The following WNT7B variants were observed in gnomAD, a reference collection of about 807,000 sequenced individuals.
WNT7B encodes the protein Wnt family member 7B.
Under a neutral mutation model 38.2 loss-of-function variants are expected in WNT7B, and 19 were observed. That is an observed-to-expected ratio of 0.50 (90% CI 0.35 to 0.73). The LOEUF (loss-of-function observed/expected upper bound fraction) is 0.73, where lower values mean the gene tolerates loss of function less well. Among genes scored for constraint, WNT7B ranks in the 30% least tolerant of loss-of-function variants. The pLI, the probability that WNT7B is intolerant of heterozygous loss-of-function variation, is 0.01. For synonymous variants in WNT7B, 243 were observed against 209.3 expected (o/e 1.16, Z -1.39); for missense variants, 423 against 507.9 (o/e 0.83, Z 1.61).
chr22:45,941,970 C>G (rs1434906753), intron 2 of WNT7B, among the ~76,000 whole-genome samples: 1 of 152,106 alleles, frequency 6.6e-6, no homozygotes, highest in Non-Finnish European at 1.5e-5. Context: ...GGTGGGGTCC[C>G]TGAGGCCTGG....
chr22:45,975,611 A>G lies in WNT7B; in HGVS notation c.71+1073T>C, dbSNP rs1427017174. The G allele has an allele frequency of 2.8e-6, 2 of 714,374 alleles. No homozygotes were observed. Among genetic ancestry groups the G allele is most frequent in the East Asian group, 5.4e-5 (2 of 37,162 alleles). 44.3% of individuals were successfully genotyped at this position (714,374 alleles called of 1,614,324 possible). On this transcript the variant is annotated intron_variant, in intron 1 of 3. Coordinates refer to ENST00000339464, the MANE Select transcript of WNT7B (RefSeq NM_058238.3). The surrounding 1 kb of genome is among the most constrained non-coding windows in gnomAD (Gnocchi z 6.6). The stretch of plus-strand genomic sequence containing the variant: ...GAGACGATTCCCAGCGCCTGCTTCC[A>G]CCTCTCCGCCTGGGAAGCCGCGTCT...
At chr22:45,950,759 C>G (rs1931913607) in intron 1 of WNT7B, among the ~76,000 whole-genome samples, 1 of 152,248 alleles carries the variant, frequency 6.6e-6, no homozygotes, top group Admixed American at 6.5e-5. Context: ...CCATCCCCCA[C>G]CACCCAACCA....
chr22:45,956,846 G>A (rs62226033), intron 1 of WNT7B, among the ~76,000 whole-genome samples: 19,133 of 152,078 alleles, frequency 0.13, 1,539 homozygotes, highest in East Asian at 0.25. Flanking sequence ...GGTGGCTCAC[G>A]CCTGTAATCC....
chr22:45,935,835 A>T, intron 2 of WNT7B: 1 of 985,380 alleles, frequency 1.0e-6, no homozygotes, highest in Non-Finnish European at 1.2e-6. Context: ...GACGAAAGCC[A>T]TCTGAGCTCA....
intron 2 of WNT7B, among the ~76,000 whole-genome samples, chr22:45,946,248 C>T (rs564913372): frequency 2.0e-5 from 3 of 152,332 alleles, no homozygotes; most frequent in Admixed American, 6.5e-5. Flanking sequence ...AAAGTGCTCT[C>T]GGCTTTCTGG....
chr22:45,944,659 G>A (rs1030727738), intron 2 of WNT7B, among the ~76,000 whole-genome samples: 3 of 152,222 alleles, frequency 2.0e-5, no homozygotes, highest in Non-Finnish European at 2.9e-5. Flanking sequence ...TGGCCAGCAC[G>A]AGACTGGGCC....
At chr22:45,929,457 C>T (rs143889501) in intron 3 of WNT7B, among the ~76,000 whole-genome samples, 1,981 of 147,236 alleles carry the variant, frequency 0.013, 16 homozygotes, top group Middle Eastern at 0.029. Context: ...TCCTTTGATT[C>T]GTCCATCTAC....
intron 3 of WNT7B, chr22:45,925,088 G>T (rs1931041511): frequency 1.0e-6 from 1 of 982,194 alleles, no homozygotes; most frequent in Non-Finnish European, 1.2e-6. Context: ...TGGGTGCTGG[G>T]TGGGCCCAAA....
chr22:45,965,908 C>A lies in WNT7B; in HGVS notation c.71+10776G>T, dbSNP rs1469918882. On this transcript the variant is annotated intron_variant, in intron 1 of 3. Coordinates refer to ENST00000339464, the MANE Select transcript of WNT7B (RefSeq NM_058238.3). This position sits in a 1 kb window ranked among gnomAD's most constrained non-coding sequence, Gnocchi z 6.5. ...GACACGCAACAGAGCCCGCCCAAGG[C>A]TGGAAACCCGCCTTAGTAAAACACC... 6.6e-6 allele frequency among the ~76,000 whole-genome samples: 1 copy of A among 152,218 alleles called. No individual in the cohort carries two copies. The highest frequency in any genetic ancestry group is 1.5e-5 in the Non-Finnish European group (1 of 68,038).
In WNT7B at chr22:45,949,951, C is replaced by G; in HGVS notation, c.267G>C (p.Glu89Asp). 6.2e-7 allele frequency: 1 copy of G among 1,611,182 alleles called. No homozygotes were observed. Among genetic ancestry groups the G allele is most frequent in the Non-Finnish European group, 8.5e-7 (1 of 1,177,942 alleles). Residue 89 changes from glutamate to aspartate, a missense_variant, in exon 2 of 4, where the codon GAG (glutamate) becomes GAC (aspartate). Coordinates refer to ENST00000339464, the MANE Select transcript of WNT7B (RefSeq NM_058238.3). ...FGRWNCSALG[E>D]KTVFGQELRV... ...GGAGCTCTTGCCCGAAGACGGTCTTCTCGCCGAGGGCAGAGCAGTTCCAGC... is the reference window on the plus strand; with the variant it reads ...GGAGCTCTTGCCCGAAGACGGTCTTGTCGCCGAGGGCAGAGCAGTTCCAGC...
chr22:45,949,960 G>T lies in WNT7B; in HGVS notation c.258C>A (p.Ala86=). The T allele has an allele frequency of 6.2e-7, 1 of 1,613,458 alleles. No individual in the cohort carries two copies. The highest frequency in any genetic ancestry group is 8.5e-7 in the Non-Finnish European group (1 of 1,179,754). Reference sequence around the variant, plus strand: ...GCCCGAAGACGGTCTTCTCGCCGAGGGCAGAGCAGTTCCAGCGTCCGAAGC... The same window carrying T: ...GCCCGAAGACGGTCTTCTCGCCGAGTGCAGAGCAGTTCCAGCGTCCGAAGC... ...QFRFGRWNCS[A]LGEKTVFGQE... is the part of the protein sequence containing the mutation. The change falls in exon 2 of 4, where the codon GCC becomes GCA. Residue 86 remains alanine, a synonymous_variant. Coordinates refer to ENST00000339464, the MANE Select transcript of WNT7B (RefSeq NM_058238.3).
intron 3 of WNT7B, among the ~76,000 whole-genome samples, chr22:45,924,122 G>A (rs987832044): frequency 2.0e-5 from 3 of 152,212 alleles, no homozygotes; most frequent in Non-Finnish European, 4.4e-5. Context: ...GATTGAAGAT[G>A]GGGAATTATT....
rs1172731798 is a variant in WNT7B at position 45,976,284 on chromosome 22, C to T, written c.71+400G>A. On this transcript the variant is annotated intron_variant, in intron 1 of 3. Coordinates refer to ENST00000339464, the MANE Select transcript of WNT7B (RefSeq NM_058238.3). This position sits in a 1 kb window ranked among gnomAD's most constrained non-coding sequence, Gnocchi z 8.5. ...TCCGCAGGCGCCGGACGCCCCCCGACCCCGCCCCGGCGCACCCTCCAGGCG... is the reference window on the plus strand; with the variant it reads ...TCCGCAGGCGCCGGACGCCCCCCGATCCCGCCCCGGCGCACCCTCCAGGCG... 6.8e-6 allele frequency among the ~76,000 whole-genome samples: 1 copy of T among 147,990 alleles called. No individual in the cohort carries two copies. The highest frequency in any genetic ancestry group is 2.0e-4 in the East Asian group (1 of 5,092).
chr22:45,923,447 G>T, intron 3 of WNT7B, 112 bp from the exon 4 acceptor site: 1 of 1,431,898 alleles, frequency 7.0e-7, no homozygotes, highest in African/African-American at 1.4e-5. Flanking sequence ...CCCTTGGGCT[G>T]TGTGACCACA....
In WNT7B at chr22:45,922,937, C is replaced by T; in HGVS notation, c.969G>A (p.Gln323=). Residue 323 remains glutamine, a synonymous_variant, in exon 4 of 4, where the codon CAG becomes CAA. Transcript: ENST00000339464. The part of the protein sequence containing the change: ...YNTHQYTKVW[Q]CNCKFHWCCF... Reference sequence around the variant, plus strand: ...AGCACCAGTGGAATTTGCAGTTGCACTGCCACACCTTGGTGTACTGGTGGG... The same window carrying T: ...AGCACCAGTGGAATTTGCAGTTGCATTGCCACACCTTGGTGTACTGGTGGG... 1.2e-6 allele frequency: 2 copies of T among 1,613,160 alleles called. No homozygotes were observed. Among genetic ancestry groups the T allele is most frequent in the Admixed American group, 1.7e-5 (1 of 60,028 alleles).
intron 1 of WNT7B, among the ~76,000 whole-genome samples, chr22:45,954,053 A>G (rs1932001961): frequency 6.6e-6 from 1 of 152,266 alleles, no homozygotes; most frequent in African/African-American, 2.4e-5. Flanking sequence ...TGGTCCATCT[A>G]TACAATGGAA....
At chr22:45,961,638 G>T (rs1932199140) in intron 1 of WNT7B, among the ~76,000 whole-genome samples, 1 of 151,526 alleles carries the variant, frequency 6.6e-6, no homozygotes, top group African/African-American at 2.4e-5. Flanking sequence ...GGTGGGCAAG[G>T]ACGGGGCTGG....
chr22:45,928,808 G>A (rs1267218877), intron 3 of WNT7B, among the ~76,000 whole-genome samples: 3 of 152,172 alleles, frequency 2.0e-5, no homozygotes, highest in African/African-American at 7.2e-5. Context: ...CTGTAGCCCA[G>A]AGACCAACAC....
In WNT7B at chr22:45,976,715, G is replaced by A; in HGVS notation, c.40C>T (p.Leu14Phe). Residue 14 changes from leucine to phenylalanine, a missense_variant, in exon 1 of 4, where the codon CTC becomes TTC. Around this residue, in one of 3 missense-constraint regions of WNT7B, gnomAD observed 133 missense variants for 179.8 expected, o/e 0.74. Coordinates refer to ENST00000339464, the MANE Select transcript of WNT7B (RefSeq NM_058238.3). The surrounding 1 kb of genome is among the most constrained non-coding windows in gnomAD (Gnocchi z 8.5). ...NFRKWIFYVF[L>F]CFGVLYVKLG... ...TTCACGTACAGGACGCCAAAGCAGA[G>A]AAACACGTAGAAAATCCACTTGCGA... The A allele has an allele frequency of 6.2e-7, 1 of 1,610,314 alleles. No homozygotes were observed. Among genetic ancestry groups the A allele is most frequent in the Admixed American group, 1.7e-5 (1 of 59,896 alleles).
Sources: gnomAD v4.1 joint callset for allele counts (sites outside exome capture counted in the v4.1 genomes callset) on GRCh38, gnomAD v4.1.1 for gene constraint, gnomAD v4.1.1 regional missense constraint, Gnocchi (gnomAD v3.1) non-coding constraint, MANE v1.5 for transcripts, NCBI Gene and HGNC (gene_info 2026-07-23, HGNC 2026-07-21) for gene names.